The following TP63 variants were observed in gnomAD, a reference collection of about 807,000 sequenced individuals.
TP63 encodes tumor protein 63.
TP63 carries 17 observed loss-of-function variants against 82.8 expected under a neutral mutation model. The ratio of observed to expected loss-of-function variants is 0.21; its 90% CI spans 0.14 to 0.31. TP63 has a LOEUF of 0.31. TP63 is among the 10% of genes least tolerant of loss of function. The pLI, the probability that TP63 is intolerant of heterozygous loss-of-function variation, is 1.00. For missense variants in TP63, 648 were observed against 895.3 expected (o/e 0.72, Z 3.52); for synonymous variants, 330 against 321.7 (o/e 1.03, Z -0.28).
rs1320669467 is a variant in TP63, at chr3:189,808,428, C to T, written c.481C>T (p.Pro161Ser). 1 of 1,614,204 alleles carries T rather than the reference C, an allele frequency of 6.2e-7. No individual in the cohort carries two copies. Among genetic ancestry groups the T allele is most frequent in the Non-Finnish European group, 8.5e-7 (1 of 1,180,050 alleles). The change falls in exon 4 of 14, where the codon CCA becomes TCA. Residue 161 changes from proline (P) to serine (S), a missense_variant. Transcript: ENST00000264731. ...CAGCTCCACCTTCGATGCTCTCTCT[C>T]CATCACCCGCCATCCCCTCCAACAC... ...QPSSTFDALS[P>S]SPAIPSNTDY...
At chr3:189,762,000 G>C (rs548953402) in intron 3 of TP63, among the ~76,000 whole-genome samples, 18 of 152,332 alleles carry the variant, frequency 1.2e-4, no homozygotes, top group African/African-American at 4.3e-4. Context: ...ACCTTCCACA[G>C]GGTGTCTCCC....
chr3:189,711,581 G>T (rs1272851616), intron 1 of TP63, among the ~76,000 whole-genome samples: 3 of 152,124 alleles, frequency 2.0e-5, no homozygotes, highest in Non-Finnish European at 4.4e-5. Flanking sequence ...TTAAAGAAGA[G>T]AGGGGTTTAA....
At chr3:189,654,022 G>T (rs1881992) in intron 1 of TP63, among the ~76,000 whole-genome samples, 50,671 of 151,966 alleles carry the variant, frequency 0.33, 9,470 homozygotes, top group Middle Eastern at 0.55. Context: ...TTCAAATAAT[G>T]ACTAGAACCT....
At chr3:189,829,156 C>G (rs1711902815) in intron 4 of TP63, among the ~76,000 whole-genome samples, 2 of 152,076 alleles carry the variant, frequency 1.3e-5, no homozygotes, top group South Asian at 4.1e-4. Flanking sequence ...TTGGCAGATA[C>G]CATATTACCA....
chr3:189,808,590 C>T, intron 4 of TP63, 64 bp downstream of exon 4: 1 of 1,606,590 alleles, frequency 6.2e-7, no homozygotes, highest in East Asian at 2.2e-5. Context: ...CACCACGTCC[C>T]AGGGATTTCT....
chr3:189,630,132 T>C (rs1437076852), upstream of TP63, among the ~76,000 whole-genome samples: 1 of 152,174 alleles, frequency 6.6e-6, no homozygotes, highest in East Asian at 1.9e-4. Context: ...CATTTTGAGT[T>C]AGATTTACTT....
Position 189,631,484 on chromosome 3 carries a change from C to A in TP63, c.-32C>A. 6.2e-7 allele frequency: 1 copy of A among 1,612,042 alleles called. No homozygotes were observed. The highest frequency in any genetic ancestry group is 1.1e-5 in the South Asian group (1 of 91,024). On this transcript the variant is annotated 5_prime_UTR_variant, in exon 1 of 14. Coordinates refer to ENST00000264731, the MANE Select transcript of TP63 (RefSeq NM_003722.5). ...TGTGTATATTTTATATAATTGTTCT[C>A]CGTTCGTTGATATCAAAGACAGTTG...
chr3:189,868,840 C>T (rs1371030442), intron 8 of TP63, 124 bp downstream of exon 8: 22 of 1,491,526 alleles, frequency 1.5e-5, no homozygotes, highest in South Asian at 2.3e-5. Context: ...GGACGTCAGC[C>T]CTCAGAGCCA....
At chr3:189,883,686 T>C (rs982876153) in intron 10 of TP63, among the ~76,000 whole-genome samples, 5 of 152,148 alleles carry the variant, frequency 3.3e-5, no homozygotes, top group African/African-American at 1.2e-4. Flanking sequence ...GGCTACAGGT[T>C]AAGAAAATGA....
At chr3:189,889,691 G>A (rs1720821318) in intron 12 of TP63, among the ~76,000 whole-genome samples, 2 of 152,234 alleles carry the variant, frequency 1.3e-5, no homozygotes, top group Admixed American at 1.3e-4. Flanking sequence ...ACAAGGGAAA[G>A]TGTCTGTTGA....
intron 1 of TP63, among the ~76,000 whole-genome samples, chr3:189,694,962 C>T (rs1210866870): frequency 6.6e-6 from 1 of 151,586 alleles, no homozygotes; most frequent in Non-Finnish European, 1.5e-5. Context: ...CCCGCCACCA[C>T]ACCTGGCTAA....
chr3:189,782,682 A>G (rs1724315649), intron 3 of TP63, among the ~76,000 whole-genome samples: 1 of 152,152 alleles, frequency 6.6e-6, no homozygotes, highest in African/African-American at 2.4e-5. Flanking sequence ...TAGAGATGAA[A>G]GTTCAAAGAA....
chr3:189,844,188 T>C (rs956193948), intron 4 of TP63: 4 of 384,998 alleles, frequency 1.0e-5, no homozygotes, highest in African/African-American at 4.3e-5. Flanking sequence ...TTTTTTTTCT[T>C]TGAGACAGAG....
intron 1 of TP63, among the ~76,000 whole-genome samples, chr3:189,660,578 G>A (rs1288959013): frequency 6.6e-6 from 1 of 152,028 alleles, no homozygotes; most frequent in Non-Finnish European, 1.5e-5. Flanking sequence ...TTTTAGAATA[G>A]TTTTTTCTAG....
At chr3:189,802,675 A>C (rs755058512) in intron 3 of TP63, among the ~76,000 whole-genome samples, 1 of 152,224 alleles carries the variant, frequency 6.6e-6, no homozygotes, top group Non-Finnish European at 1.5e-5. Context: ...GTTTAAGTTC[A>C]GAATTCTTTT....
chr3:189,847,692 A>G (rs1203258531), intron 4 of TP63, among the ~76,000 whole-genome samples: 3 of 152,190 alleles, frequency 2.0e-5, no homozygotes, highest in African/African-American at 7.2e-5. Context: ...CTGCTGACTT[A>G]TTGAACCCAG....
intron 5 of TP63, 91 bp downstream of exon 5, chr3:189,864,509 G>T: frequency 9.9e-7 from 1 of 1,006,764 alleles, no homozygotes; most frequent in Non-Finnish European, 1.4e-6. Flanking sequence ...ACCTGATTCA[G>T]ACTTCTGCAC....
intron 1 of TP63, among the ~76,000 whole-genome samples, chr3:189,667,401 C>A (rs537832714): frequency 6.6e-6 from 1 of 152,098 alleles, no homozygotes; most frequent in African/African-American, 2.4e-5. Flanking sequence ...TCTCAAGTTC[C>A]TGACCTCTTG....
At chr3:189,798,688 C>G (rs1725975166) in intron 3 of TP63, among the ~76,000 whole-genome samples, 1 of 152,072 alleles carries the variant, frequency 6.6e-6, no homozygotes, top group Non-Finnish European at 1.5e-5. Context: ...TTTTAATTCT[C>G]TATAGTGTTA....
Sources: allele counts gnomAD v4.1 joint callset (sites outside exome capture counted in the v4.1 genomes callset), GRCh38; gene constraint gnomAD v4.1.1; transcripts MANE v1.5; gene names NCBI Gene and HGNC (gene_info 2026-07-23, HGNC 2026-07-21).